Variants in KIAA0319L observed in about 807,000 individuals in gnomAD.
KIAA0319L encodes the protein KIAA0319 like, also known as dyslexia-associated protein KIAA0319-like protein.
Under a neutral mutation model 120.1 loss-of-function variants are expected in KIAA0319L, and 55 were observed. The observed-to-expected ratio is 0.46, with a 90% CI of 0.37 to 0.57. KIAA0319L has a LOEUF of 0.57. Among genes scored for constraint, KIAA0319L ranks in the 20% least tolerant of loss-of-function variants. The pLI, the probability that KIAA0319L is intolerant of heterozygous loss-of-function variation, is 0.00. For missense variants in KIAA0319L, 1,049 were observed against 1,255.3 expected, an observed-to-expected ratio of 0.84 and a Z score of 2.48; for synonymous variants, 398 against 471.9, an observed-to-expected ratio of 0.84 and a Z score of 2.03.
intron 20 of KIAA0319L, 33 bp downstream of exon 20, chr1:35,441,014 A>G (rs1463511206): frequency 6.5e-7 from 1 of 1,545,886 alleles, no homozygotes; most frequent in Non-Finnish European, 8.9e-7. Flanking sequence ...GAGAGTGCAC[A>G]GACCTAGAAG....
intron 3 of KIAA0319L, among the ~76,000 whole-genome samples, chr1:35,493,735 G>C (rs1392957243): frequency 2.0e-5 from 3 of 151,890 alleles, no homozygotes; most frequent in Non-Finnish European, 4.4e-5. Flanking sequence ...GTCCCAGCTA[G>C]TTGGGGGGCT....
At chr1:35,489,367 G>A (rs1288639763) in intron 3 of KIAA0319L, among the ~76,000 whole-genome samples, 2 of 152,260 alleles carry the variant, frequency 1.3e-5, no homozygotes, top group East Asian at 3.9e-4. Flanking sequence ...ATAAAAAACA[G>A]TGATCCCTAA....
intron 3 of KIAA0319L, among the ~76,000 whole-genome samples, chr1:35,488,482 G>A (rs992503522): frequency 1.3e-5 from 2 of 152,182 alleles, no homozygotes; most frequent in African/African-American, 2.4e-5. Flanking sequence ...ATTACAGGAA[G>A]TTATGTTTTA....
rs537251724 is a variant in KIAA0319L at position 35,450,439 on chromosome 1, C to T, written c.2133G>A (p.Glu711=). 8.7e-6 allele frequency: 14 copies of T among 1,614,124 alleles called. 1 individual carries two copies. In the East Asian group the frequency reaches 2.2e-4, roughly 26 times the overall value. The stretch of plus-strand genomic sequence containing the variant: ...CATCTGAGGACTTAGAGCCATCCAG[C>T]TCTGCTGTGCTCGTGGGTAGGGTAA... The part of the protein sequence containing the change: ...VVITLPTSTA[E]LDGSKSSDDK... Residue 711 remains glutamate (E), a synonymous_variant, in exon 14 of 21, where the codon GAG becomes GAA. Transcript: ENST00000325722.
At chr1:35,547,328 A>G (rs1647022127) in intron 2 of KIAA0319L, among the ~76,000 whole-genome samples, 1 of 150,038 alleles carries the variant, frequency 6.7e-6, no homozygotes, top group Non-Finnish European at 1.5e-5. Flanking sequence ...CATTATATAT[A>G]TATATACACA....
chr1:35,502,133 G>T (rs551948748), intron 3 of KIAA0319L, among the ~76,000 whole-genome samples: 1 of 151,550 alleles, frequency 6.6e-6, no homozygotes, highest in Non-Finnish European at 1.5e-5. Flanking sequence ...AAAAAAAGTC[G>T]CTGGGTGTGC....
Position 35,434,459 on chromosome 1 carries a change from G to T in KIAA0319L, c.*435C>A. On this transcript the variant is annotated 3_prime_UTR_variant, in exon 21 of 21. Coordinates refer to ENST00000325722, the MANE Select transcript of KIAA0319L (RefSeq NM_024874.5). ...CCACTTCCTCTTTGCCCAGCGAGAG[G>T]GCGTACTCTACCCCAGAGAGGGAAA... 1 of 157,044 alleles carries T rather than the reference G, an allele frequency of 6.4e-6. No homozygotes were observed. The highest frequency in any genetic ancestry group is 2.0e-4 in the South Asian group (1 of 4,990). The allele number at this position is 157,044 out of a possible 1,614,324, so 9.7% of individuals were successfully genotyped here.
intron 2 of KIAA0319L, among the ~76,000 whole-genome samples, chr1:35,521,135 G>T (rs1645892323): frequency 6.6e-6 from 1 of 151,772 alleles, no homozygotes; most frequent in Admixed American, 6.6e-5. Context: ...GAGGTCAGGA[G>T]TTCGAGACCA....
At position 35,493,302 on chromosome 1, in the gene KIAA0319L, T is replaced by C. The variant is rs190849430; in HGVS notation, c.666+13310A>G. ...ACATCAAATATAATAGCATCAAATA[T>C]ATGAAATACACAAATATATATACCT... On this transcript the variant is annotated intron_variant, in intron 3 of 20. Coordinates refer to ENST00000325722, the MANE Select transcript of KIAA0319L (RefSeq NM_024874.5). 1.2e-4 allele frequency among the ~76,000 whole-genome samples: 18 copies of C among 152,144 alleles called. 2 individuals are homozygous for C. The highest frequency in any genetic ancestry group is 3.9e-4 in the African/African-American group (16 of 41,516).
intron 2 of KIAA0319L, among the ~76,000 whole-genome samples, chr1:35,535,659 A>G (rs989917578): frequency 2.0e-5 from 3 of 152,198 alleles, no homozygotes; most frequent in Non-Finnish European, 4.4e-5. Context: ...AGCTCAGTAT[A>G]TATTAGTTGC....
chr1:35,449,014 A>G (rs1166069492), intron 15 of KIAA0319L, among the ~76,000 whole-genome samples: 1 of 152,228 alleles, frequency 6.6e-6, no homozygotes, highest in Non-Finnish European at 1.5e-5. Context: ...CCTTATTTAC[A>G]TACTTGAATG....
intron 2 of KIAA0319L, among the ~76,000 whole-genome samples, chr1:35,530,048 T>A (rs1646303255): frequency 6.6e-6 from 1 of 151,946 alleles, no homozygotes; most frequent in African/African-American, 2.4e-5. Context: ...CTGAAATTAT[T>A]TTTTTTGGAG....
chr1:35,536,659 T>A (rs1646583670), intron 2 of KIAA0319L, among the ~76,000 whole-genome samples: 1 of 152,206 alleles, frequency 6.6e-6, no homozygotes, highest in Non-Finnish European at 1.5e-5. Flanking sequence ...ATCAAAAGTT[T>A]GCATTAATTG....
chr1:35,504,888 C>T (rs937175508), intron 3 of KIAA0319L, among the ~76,000 whole-genome samples: 27 of 152,212 alleles, frequency 1.8e-4, no homozygotes, highest in Non-Finnish European at 2.9e-4. Flanking sequence ...CTCTCTTTCT[C>T]CGTTTGCCCA....
intron 2 of KIAA0319L, among the ~76,000 whole-genome samples, chr1:35,507,995 T>C (rs1030774577): frequency 2.0e-5 from 3 of 152,258 alleles, no homozygotes; most frequent in South Asian, 2.1e-4. Context: ...TCTGTTTTCT[T>C]AGATGAAGTC....
chr1:35,461,651 G>A (rs1051953240), intron 8 of KIAA0319L, among the ~76,000 whole-genome samples: 11 of 152,184 alleles, frequency 7.2e-5, no homozygotes, highest in Admixed American at 4.6e-4. Context: ...GAGGAAAACC[G>A]GACACTTAGG....
In KIAA0319L at chr1:35,548,003, C is replaced by T. The variant is rs1359232501; in HGVS notation, c.142+6347G>A. Among the ~76,000 whole-genome samples the T allele has an allele frequency of 2.0e-5, 3 of 152,066 alleles. No homozygotes were observed. In the East Asian group the frequency reaches 5.8e-4, roughly 29 times the overall value. The stretch of plus-strand genomic sequence containing the variant: ...AGGTGTGGTGGTGCACCCCTGTAGT[C>T]CCAGCTACTCGGGAGGCTGGGGTAG... On this transcript the variant is annotated intron_variant, in intron 2 of 20. Coordinates refer to ENST00000325722, the MANE Select transcript of KIAA0319L (RefSeq NM_024874.5).
At chr1:35,556,166 A>T (rs1206723910) in intron 1 of KIAA0319L, among the ~76,000 whole-genome samples, 1 of 152,246 alleles carries the variant, frequency 6.6e-6, no homozygotes, top group Non-Finnish European at 1.5e-5. Context: ...AGAAGCTCAC[A>T]ATAGTTCTGG....
At chr1:35,518,811 C>T (rs1015381744) in intron 2 of KIAA0319L, among the ~76,000 whole-genome samples, 3 of 151,978 alleles carry the variant, frequency 2.0e-5, no homozygotes. Flanking sequence ...TGAGACCAGC[C>T]TAGCCAACAT....
Sources: allele counts gnomAD v4.1 joint callset (sites outside exome capture counted in the v4.1 genomes callset), GRCh38; gene constraint gnomAD v4.1.1; transcripts MANE v1.5; gene names NCBI Gene and HGNC (gene_info 2026-07-23, HGNC 2026-07-21).